The following TSGA10 variants were observed in gnomAD, a reference collection of about 807,000 sequenced individuals.
TSGA10 encodes testis specific 10.
A neutral mutation model predicts 96.6 loss-of-function variants in TSGA10; 43 were observed. That is an observed-to-expected ratio of 0.44 (90% CI 0.35 to 0.57). The LOEUF (loss-of-function observed/expected upper bound fraction) is 0.57, where lower values mean the gene tolerates loss of function less well. Among genes scored for constraint, TSGA10 ranks in the 20% least tolerant of loss-of-function variants. The pLI is 0.01. For missense variants in TSGA10, 703 were observed against 834.4 expected (o/e 0.84, Z 1.94); for synonymous variants, 229 against 269.9 (o/e 0.85, Z 1.48).
At chr2:99,035,505 T>C (rs2081536217) in intron 16 of TSGA10, 66 bp from the exon 17 acceptor site, 6 of 1,170,744 alleles carry the variant, frequency 5.1e-6, no homozygotes, top group South Asian at 3.6e-5. Flanking sequence ...AACTATAACA[T>C]GGAAAAATGA....
chr2:99,032,973 C>T (rs2081278601), intron 17 of TSGA10, among the ~76,000 whole-genome samples: 1 of 152,186 alleles, frequency 6.6e-6, no homozygotes, highest in Non-Finnish European at 1.5e-5. Context: ...GTTATGTGCG[C>T]TTTTGTTGCC....
chr2:99,143,735 T>C (rs2093602147), intron 1 of TSGA10, among the ~76,000 whole-genome samples: 1 of 152,124 alleles, frequency 6.6e-6, no homozygotes. Flanking sequence ...GCATCCCAAG[T>C]GCTGGGATTA....
intron 20 of TSGA10, among the ~76,000 whole-genome samples, chr2:99,013,393 C>T (rs186740587): frequency 4.2e-4 from 64 of 152,054 alleles, no homozygotes; most frequent in African/African-American, 1.1e-3. Flanking sequence ...AATGCTGTGG[C>T]GCAATCTCGG....
At chr2:99,143,373 A>G (rs1013624728) in intron 1 of TSGA10, among the ~76,000 whole-genome samples, 4 of 151,024 alleles carry the variant, frequency 2.6e-5, no homozygotes, top group Admixed American at 2.6e-4. Flanking sequence ...GTTAGCCAGG[A>G]TGGTCTTGAT....
chr2:99,025,137 T>C (rs1343281400), intron 17 of TSGA10, among the ~76,000 whole-genome samples: 2 of 152,208 alleles, frequency 1.3e-5, no homozygotes, highest in African/African-American at 4.8e-5. Flanking sequence ...CTCAGGGCAA[T>C]AATGGCTTCA....
chr2:99,149,177 A>C (rs1024179473), intron 1 of TSGA10, among the ~76,000 whole-genome samples: 11 of 151,036 alleles, frequency 7.3e-5, no homozygotes, highest in Admixed American at 7.3e-4. Flanking sequence ...CTCAAAAAAA[A>C]AAAAAAAATG....
Position 99,136,716 on chromosome 2 carries a change from G to A in TSGA10, c.-620-9540C>T, listed in dbSNP as rs1476853320. ...CGGGAGGCTGAGGCAGGAGAATGGC[G>A]TGAACCCGGGAGGCGGAGCTTGCAG... On this transcript the variant is annotated intron_variant, in intron 1 of 20. Coordinates refer to ENST00000393483, the MANE Select transcript of TSGA10 (RefSeq NM_025244.4). 4.0e-4 allele frequency among the ~76,000 whole-genome samples: 23 copies of A among 57,006 alleles called. 7 individuals are homozygous for A. The highest frequency in any genetic ancestry group is 4.5e-4 in the Non-Finnish European group (11 of 24,196). The allele number at this position is 57,006 out of a possible 152,430, so 37.4% of individuals were successfully genotyped here. A position where few individuals can be genotyped will look rare whatever the true frequency, so the allele number is the denominator to read the frequency against.
At chr2:99,025,005 T>C (rs532032643) in intron 17 of TSGA10, among the ~76,000 whole-genome samples, 1 of 152,152 alleles carries the variant, frequency 6.6e-6, no homozygotes, top group Admixed American at 6.6e-5. Context: ...ATGGTGTAAA[T>C]TTCGTTTTAT....
Position 99,064,930 on chromosome 2 carries a change from C to A in TSGA10, c.1404+9G>T. Reference sequence around the variant, plus strand: ...AGGATGTATTATAAGCATATTTTTCCAAACTTACTTGCTCAACCTCTCTGT... The same window carrying A: ...AGGATGTATTATAAGCATATTTTTCAAAACTTACTTGCTCAACCTCTCTGT... On this transcript the variant is annotated intron_variant, in intron 16 of 20. Transcript: ENST00000393483. The A allele has an allele frequency of 6.4e-7, 1 of 1,560,070 alleles. No individual in the cohort carries two copies. Among genetic ancestry groups the A allele is most frequent in the Non-Finnish European group, 8.6e-7 (1 of 1,156,846 alleles).
intron 20 of TSGA10, among the ~76,000 whole-genome samples, chr2:99,006,397 G>C (rs945612408): frequency 6.1e-4 from 93 of 152,160 alleles, no homozygotes; most frequent in African/African-American, 1.7e-3. Flanking sequence ...CTACTCATCT[G>C]ACAAAGGGCT....
intron 9 of TSGA10, among the ~76,000 whole-genome samples, chr2:99,104,493 G>A (rs189229788): frequency 2.3e-5 from 3 of 132,810 alleles, no homozygotes; most frequent in African/African-American, 8.4e-5. Flanking sequence ...TTTTTTTTTT[G>A]AGACAGAGTA....
intron 20 of TSGA10, among the ~76,000 whole-genome samples, chr2:99,000,243 C>T (rs1263039986): frequency 6.6e-6 from 1 of 151,832 alleles, no homozygotes; most frequent in East Asian, 1.9e-4. Flanking sequence ...TGTGGTGGCT[C>T]ATGCCTGTAA....
At chr2:99,119,987 CAGG>C (rs1448079626) in intron 2 of TSGA10, among the ~76,000 whole-genome samples, 3 of 152,108 alleles carry the variant, frequency 2.0e-5, no homozygotes, top group South Asian at 2.1e-4. Flanking sequence ...CCCACTGCAC[CAGG>C]AGATGTTCTT....
intron 4 of TSGA10, among the ~76,000 whole-genome samples, chr2:99,116,816 C>T (rs1056269311): frequency 1.5e-4 from 23 of 152,226 alleles, no homozygotes; most frequent in Admixed American, 1.2e-3. Flanking sequence ...CATGCATCAA[C>T]GTATACTGAT....
At chr2:99,125,580 A>AT (rs1167243195) in intron 2 of TSGA10, 2 of 152,108 alleles carry the variant, frequency 1.3e-5, no homozygotes, top group Non-Finnish European at 2.9e-5. Flanking sequence ...GATTCTTTGG[A>AT]TTACAATGCC....
intron 10 of TSGA10, among the ~76,000 whole-genome samples, chr2:99,084,499 C>T (rs1200268222): frequency 6.6e-6 from 1 of 152,168 alleles, no homozygotes; most frequent in African/African-American, 2.4e-5. Flanking sequence ...TGCTTTCCAC[C>T]AAGATGGCAA....
chr2:99,066,231 G>A (rs987441469), intron 15 of TSGA10, among the ~76,000 whole-genome samples: 1 of 152,184 alleles, frequency 6.6e-6, no homozygotes, highest in Admixed American at 6.5e-5. Flanking sequence ...TCTTTGCCAA[G>A]TCTGTGTTAG....
chr2:99,053,353 CAA>C (rs199505766), intron 16 of TSGA10, among the ~76,000 whole-genome samples: 6 of 116,638 alleles, frequency 5.1e-5, no homozygotes, highest in African/African-American at 6.0e-5. Context: ...CAAAAATTTC[CAA>C]AAAAAAAAAA....
In TSGA10 at chr2:99,018,327, G is replaced by A. The variant is rs745481452; in HGVS notation, c.1945C>T (p.Arg649Cys). 8.7e-6 allele frequency: 14 copies of A among 1,613,920 alleles called. No individual in the cohort carries two copies. Among genetic ancestry groups the A allele is most frequent in the South Asian group, 4.4e-5 (4 of 91,074 alleles). ...FERERAVQEL[R>C]RQNYSSNAYH... is the part of the protein sequence containing the mutation. The stretch of plus-strand genomic sequence containing the variant: ...GCATTACTTGAATAATTTTGGCGGC[G>A]AAGTTCTTGTACGGCCCTCTCCCTA... Residue 649 changes from arginine (R) to cysteine (C), a missense_variant, in exon 20 of 21, where the codon CGC becomes TGC. Physicochemically the swap from Arg to Cys is radical, Grantham distance 180. This residue lies in a region of TSGA10 where 69 missense variants were observed against 81.3 expected (regional missense o/e 0.85). Coordinates refer to ENST00000393483, the MANE Select transcript of TSGA10 (RefSeq NM_025244.4).
Sources: gnomAD v4.1 joint callset for allele counts (sites outside exome capture counted in the v4.1 genomes callset) on GRCh38, gnomAD v4.1.1 for gene constraint, gnomAD v4.1.1 regional missense constraint, MANE v1.5 for transcripts, NCBI Gene and HGNC (gene_info 2026-07-23, HGNC 2026-07-21) for gene names.